Variants in KIAA1549L observed in about 807,000 individuals in gnomAD.
The protein encoded by KIAA1549L is KIAA1549 like, also known as UPF0606 protein KIAA1549L.
In KIAA1549L, 88 loss-of-function variants were observed where a neutral mutation model predicts 160.7. The ratio of observed to expected loss-of-function variants is 0.55; its 90% CI spans 0.46 to 0.65. KIAA1549L has a LOEUF of 0.65. Among genes scored for constraint, KIAA1549L ranks in the 30% least tolerant of loss-of-function variants. The probability of loss-of-function intolerance (pLI) is 0.00; values close to 1 mark genes in which losing one functional copy is unlikely to be tolerated. For missense variants in KIAA1549L, 2,258 were observed against 2,437.5 expected (o/e 0.93, Z 1.55); for synonymous variants, 950 against 976.7 (o/e 0.97, Z 0.51).
At chr11:33,481,836 A>G (rs1369279475) in intron 1 of KIAA1549L, among the ~76,000 whole-genome samples, 2 of 152,240 alleles carry the variant, frequency 1.3e-5, no homozygotes, top group East Asian at 3.8e-4. Flanking sequence ...TACATTGGAC[A>G]TGTTTGCATC....
intron 16 of KIAA1549L, among the ~76,000 whole-genome samples, chr11:33,633,569 C>G (rs896160876): frequency 3.3e-5 from 5 of 152,080 alleles, no homozygotes; most frequent in East Asian, 3.9e-4. Flanking sequence ...CCAGTGTCCT[C>G]GCTCCCTGCA....
At chr11:33,648,184 G>A (rs1004139018) in intron 17 of KIAA1549L, among the ~76,000 whole-genome samples, 8 of 151,684 alleles carry the variant, frequency 5.3e-5, no homozygotes, top group Non-Finnish European at 1.0e-4. Flanking sequence ...TTAGTAGAGA[G>A]GGGGTTTCAC....
chr11:33,536,577 T>G (rs1250306054), intron 1 of KIAA1549L, among the ~76,000 whole-genome samples: 3 of 152,100 alleles, frequency 2.0e-5, no homozygotes, highest in Non-Finnish European at 4.4e-5. Context: ...TTTGATGATG[T>G]TGCTTTGGAA....
chr11:33,522,875 G>T (rs1392303347), intron 1 of KIAA1549L, among the ~76,000 whole-genome samples: 2 of 149,602 alleles, frequency 1.3e-5, no homozygotes, highest in African/African-American at 2.5e-5. Flanking sequence ...TTCCAGCCTG[G>T]GTGACAAAGT....
rs79874494 is a variant in KIAA1549L at position 33,558,844 on chromosome 11, T to C, written c.3856-905T>C. Among the ~76,000 whole-genome samples the C allele has an allele frequency of 5.1e-3, 772 of 151,822 alleles. 7 individuals carry two copies. The highest frequency in any genetic ancestry group is 0.017 in the African/African-American group (685 of 41,432). ...TCTGAATTCCTTTTTCTTTTCTTTT[T>C]TTTTTTTTTTGAAGAATCTTGCTCT... is the stretch of plus-strand genomic sequence containing the variant. On this transcript the variant is annotated intron_variant, in intron 6 of 20. Coordinates refer to ENST00000658780, the MANE Select transcript of KIAA1549L (RefSeq NM_012194.3).
chr11:33,446,840 A>G (rs1851622629), intron 1 of KIAA1549L, among the ~76,000 whole-genome samples: 1 of 152,122 alleles, frequency 6.6e-6, no homozygotes, highest in Admixed American at 6.5e-5. Flanking sequence ...CACGCCAAAA[A>G]TTGCAATGCC....
intron 1 of KIAA1549L, among the ~76,000 whole-genome samples, chr11:33,385,373 C>T (rs541395668): frequency 6.6e-5 from 10 of 152,268 alleles, no homozygotes; most frequent in Admixed American, 4.6e-4. Flanking sequence ...TTGGGTTCAA[C>T]GGTTCTTTGT....
Position 33,542,140 on chromosome 11 carries a change from G to C in KIAA1549L, c.577G>C (p.Val193Leu), listed in dbSNP as rs1382488972. Residue 193 changes from valine (V) to leucine (L), a missense_variant, in exon 2 of 21, where the codon GTG becomes CTG. Val to Leu is a conservative substitution (Grantham distance 32). Transcript: ENST00000658780. Reference sequence around the variant, plus strand: ...TAAAGGGGGACAAGAAGCAGCCGATGTGTCAGGTTTGCCTCTCACCAGCAT... The same window carrying C: ...TAAAGGGGGACAAGAAGCAGCCGATCTGTCAGGTTTGCCTCTCACCAGCAT... Reference protein sequence around the residue: ...GPKGGQEAADVSGLPLTSMLP... With the variant: ...GPKGGQEAADLSGLPLTSMLP... 5.3e-6 allele frequency: 3 copies of C among 562,610 alleles called. No homozygotes were observed. The highest frequency in any genetic ancestry group is 1.0e-5 in the Non-Finnish European group (3 of 295,360). The allele number at this position is 562,610 out of a possible 1,614,324, so 34.9% of individuals were successfully genotyped here. A position where few individuals can be genotyped will look rare whatever the true frequency, so the allele number is the denominator to read the frequency against.
At chr11:33,553,923 A>T (rs1377311624) in intron 6 of KIAA1549L, among the ~76,000 whole-genome samples, 1 of 152,226 alleles carries the variant, frequency 6.6e-6, no homozygotes, top group Non-Finnish European at 1.5e-5. Flanking sequence ...CTTCCTTGGA[A>T]AAGATGATAG....
chr11:33,593,412 C>T (rs934744098), intron 12 of KIAA1549L, among the ~76,000 whole-genome samples: 1 of 152,168 alleles, frequency 6.6e-6, no homozygotes, highest in Non-Finnish European at 1.5e-5. Flanking sequence ...GCACTCCAGC[C>T]TGGATGACAG....
intron 1 of KIAA1549L, among the ~76,000 whole-genome samples, chr11:33,508,548 T>C (rs1853147464): frequency 1.3e-5 from 2 of 152,222 alleles, no homozygotes; most frequent in Non-Finnish European, 2.9e-5. Flanking sequence ...TGCGTGTGTG[T>C]ACTTGGGTTC....
In KIAA1549L at chr11:33,480,324, G is replaced by T. The variant is rs74334325; in HGVS notation, c.239-61478G>T. On this transcript the variant is annotated intron_variant, in intron 1 of 20. Transcript: ENST00000658780. Reference sequence around the variant, plus strand: ...GATTGGCTTCTTTCACTTAGTATAAGGTTTGCAGGGCTCAGCCGTGCTGTA... The same window carrying T: ...GATTGGCTTCTTTCACTTAGTATAATGTTTGCAGGGCTCAGCCGTGCTGTA... Among the ~76,000 whole-genome samples, 1,070 of 152,150 alleles carry T rather than the reference G, an allele frequency of 7.0e-3. 9 individuals carry two copies. The highest frequency in any genetic ancestry group is 0.024 in the African/African-American group (993 of 41,528).
rs529932475 is a variant in KIAA1549L at position 33,589,726 on chromosome 11, A to G, written c.4567-1511A>G. ...AATTGAACAATGAGAACACTTGGAC[A>G]CAGGAAGGGAGACATCACACACCAG... On this transcript the variant is annotated intron_variant, in intron 11 of 20. Transcript: ENST00000658780. Among the ~76,000 whole-genome samples, 9 of 150,604 alleles carry G rather than the reference A, an allele frequency of 6.0e-5. No individual in the cohort carries two copies. The South Asian group carries it at 1.9e-3, about 32-fold the overall frequency.
At chr11:33,657,159 G>GA (rs397791570) in intron 18 of KIAA1549L, among the ~76,000 whole-genome samples, 20 of 151,840 alleles carry the variant, frequency 1.3e-4, no homozygotes, top group African/African-American at 4.8e-4. Context: ...AGAGAGGGAG[G>GA]AAGGGAGACC....
At chr11:33,659,946 C>G (rs1013032272) in intron 19 of KIAA1549L, among the ~76,000 whole-genome samples, 2 of 152,226 alleles carry the variant, frequency 1.3e-5, no homozygotes, top group Non-Finnish European at 2.9e-5. Flanking sequence ...CCTTTGTCCT[C>G]TCATCCCCTA....
At chr11:33,576,658 T>G (rs1482858879) in intron 10 of KIAA1549L, among the ~76,000 whole-genome samples, 1 of 152,166 alleles carries the variant, frequency 6.6e-6, no homozygotes, top group Non-Finnish European at 1.5e-5. Flanking sequence ...TTGGGATATT[T>G]CAGGGCACAG....
intron 1 of KIAA1549L, among the ~76,000 whole-genome samples, chr11:33,537,902 G>C (rs1853928741): frequency 6.6e-6 from 1 of 152,156 alleles, no homozygotes; most frequent in South Asian, 2.1e-4. Flanking sequence ...TTATATATGA[G>C]TATGTTTCCC....
chr11:33,484,961 T>C (rs777183765), intron 1 of KIAA1549L, among the ~76,000 whole-genome samples: 12 of 152,204 alleles, frequency 7.9e-5, no homozygotes, highest in Non-Finnish European at 1.5e-4. Context: ...CTCTATTTAA[T>C]CCCCAAATTC....
At chr11:33,659,799 G>C (rs1852199054) in intron 19 of KIAA1549L, among the ~76,000 whole-genome samples, 1 of 152,228 alleles carries the variant, frequency 6.6e-6, no homozygotes, top group Non-Finnish European at 1.5e-5. Flanking sequence ...GTTGGGATGG[G>C]GATGGGGGAG....
Sources: gnomAD v4.1 joint callset for allele counts (sites outside exome capture counted in the v4.1 genomes callset) on GRCh38, gnomAD v4.1.1 for gene constraint, MANE v1.5 for transcripts, NCBI Gene and HGNC (gene_info 2026-07-23, HGNC 2026-07-21) for gene names.